Variants in STIM2 observed in about 807,000 individuals in gnomAD.
The protein encoded by STIM2 is stromal interaction molecule 2.
Under a neutral mutation model 85.8 loss-of-function variants are expected in STIM2, and 31 were observed. The ratio of observed to expected loss-of-function variants is 0.36; its 90% CI spans 0.27 to 0.49. The LOEUF (loss-of-function observed/expected upper bound fraction) is 0.49, where lower values mean the gene tolerates loss of function less well. Ranked by LOEUF, STIM2 falls within the 20% of genes least tolerant of loss-of-function variation. STIM2 has a pLI of 0.98. For synonymous variants in STIM2, 356 were observed against 331.1 expected, an observed-to-expected ratio of 1.08 and a Z score of -0.82; for missense variants, 841 against 927.6, an observed-to-expected ratio of 0.91 and a Z score of 1.21.
At chr4:27,017,096 A>G (rs1280146290) in intron 10 of STIM2, among the ~76,000 whole-genome samples, 1 of 152,184 alleles carries the variant, frequency 6.6e-6, no homozygotes, top group Non-Finnish European at 1.5e-5. Flanking sequence ...GATATTGAAG[A>G]TGTAGGGGAA....
chr4:26,920,530 A>G (rs1285200248), intron 2 of STIM2, among the ~76,000 whole-genome samples: 2 of 152,086 alleles, frequency 1.3e-5, no homozygotes, highest in Non-Finnish European at 2.9e-5. Context: ...TGGATTTGTC[A>G]CTGTTGAATT....
chr4:26,952,862 T>G (rs1406975402), intron 2 of STIM2, among the ~76,000 whole-genome samples: 1 of 152,186 alleles, frequency 6.6e-6, no homozygotes, highest in African/African-American at 2.4e-5. Context: ...GGGTCTCCTT[T>G]TAAATAGCTA....
chr4:27,022,457 C>A, intron 11 of STIM2, 62 bp from the exon 12 acceptor site: 1 of 1,324,248 alleles, frequency 7.6e-7, no homozygotes, highest in Non-Finnish European at 1.0e-6. Flanking sequence ...GTTAGAATGT[C>A]TGCTAGTACT....
chr4:26,922,139 A>G (rs529654316), intron 2 of STIM2, among the ~76,000 whole-genome samples: 1 of 152,252 alleles, frequency 6.6e-6, no homozygotes, highest in East Asian at 1.9e-4. Flanking sequence ...GTTGTCATTT[A>G]TTGTGGGCCG....
chr4:26,871,986 T>C (rs530516494), intron 1 of STIM2, among the ~76,000 whole-genome samples: 7 of 152,310 alleles, frequency 4.6e-5, no homozygotes, highest in African/African-American at 1.7e-4. Context: ...TCCTTATCTC[T>C]AAAATGGGAT....
Position 27,020,958 on chromosome 4 carries a change from C to T in STIM2, c.1764-1561C>T, listed in dbSNP as rs1258725293. 6.6e-6 allele frequency: 10 copies of T among 1,521,344 alleles called. No homozygotes were observed. The African/African-American group carries it at 8.3e-5, about 13-fold the overall frequency. 94.2% of individuals were successfully genotyped at this position (1,521,344 alleles called of 1,614,324 possible). A position where few individuals can be genotyped will look rare whatever the true frequency, so the allele number is the denominator to read the frequency against. ...TCTTTTGCCACTTTTTACCTTGACTCTCCCTTTCATTTCTCAATCATTTCC... is the reference window on the plus strand; with the variant it reads ...TCTTTTGCCACTTTTTACCTTGACTTTCCCTTTCATTTCTCAATCATTTCC... On this transcript the variant is annotated intron_variant, in intron 11 of 11. Transcript: ENST00000467087.
chr4:27,013,001 A>G (rs1313860615), intron 10 of STIM2, among the ~76,000 whole-genome samples: 16 of 152,002 alleles, frequency 1.1e-4, no homozygotes, highest in Admixed American at 1.3e-4. Flanking sequence ...ACAATGTACA[A>G]TTTTTAGAAT....
chr4:26,986,513 A>C (rs573269383), intron 3 of STIM2, among the ~76,000 whole-genome samples: 1 of 152,228 alleles, frequency 6.6e-6, no homozygotes, highest in South Asian at 2.1e-4. Flanking sequence ...TGGTTTTGTA[A>C]GATTGCCTTT....
intron 1 of STIM2, among the ~76,000 whole-genome samples, chr4:26,894,689 G>A (rs1021713686): frequency 1.3e-5 from 2 of 152,016 alleles, no homozygotes; most frequent in African/African-American, 4.8e-5. Context: ...TACTCACAGT[G>A]TTTTTAAGTC....
intron 1 of STIM2, among the ~76,000 whole-genome samples, chr4:26,895,180 C>T (rs1219084863): frequency 6.6e-6 from 1 of 152,156 alleles, no homozygotes; most frequent in East Asian, 1.9e-4. Flanking sequence ...CCACTGCACT[C>T]CAGCCTAGGC....
At chr4:26,898,864 A>T (rs188481855) in intron 1 of STIM2, among the ~76,000 whole-genome samples, 1,684 of 152,166 alleles carry the variant, frequency 0.011, 17 homozygotes, top group Non-Finnish European at 0.015. Flanking sequence ...AATACAATTA[A>T]TTTTTACACA....
At chr4:26,981,939 A>G (rs1328477951) in intron 3 of STIM2, among the ~76,000 whole-genome samples, 1 of 148,424 alleles carries the variant, frequency 6.7e-6, no homozygotes, top group Middle Eastern at 3.2e-3. Flanking sequence ...CTATAAAGGT[A>G]TTTACCCCAC....
intron 2 of STIM2, among the ~76,000 whole-genome samples, chr4:26,928,168 T>C (rs1725054565): frequency 6.6e-6 from 1 of 152,054 alleles, no homozygotes; most frequent in African/African-American, 2.4e-5. Context: ...TTAATTCCTC[T>C]CCTGAGGGTT....
intron 11 of STIM2, chr4:27,019,299 A>G: frequency 3.5e-6 from 2 of 566,838 alleles, no homozygotes; most frequent in South Asian, 1.5e-5. Context: ...GCATATTCCT[A>G]AGGAGATAAT....
chr4:27,005,541 AAC>A (rs576101568), intron 7 of STIM2, among the ~76,000 whole-genome samples: 2 of 152,218 alleles, frequency 1.3e-5, no homozygotes, highest in South Asian at 4.1e-4. Flanking sequence ...TTACATTTTA[AAC>A]AGTTATTTAT....
rs146089377 is a variant in STIM2, at chr4:26,887,256, C to CT, written c.151+25894dup. Among the ~76,000 whole-genome samples, 564 of 120,810 alleles carry CT rather than the reference C, an allele frequency of 4.7e-3. 5 individuals are homozygous for CT. The highest frequency in any genetic ancestry group is 0.017 in the African/African-American group (533 of 32,282). 79.3% of individuals were successfully genotyped at this position (120,810 alleles called of 152,430 possible). A position where few individuals can be genotyped will look rare whatever the true frequency, so the allele number is the denominator to read the frequency against. On this transcript the variant is annotated intron_variant, in intron 1 of 11. Transcript: ENST00000467087. ...CTTTAAAACTTAGAATTTATTTGAGCTTTTTTTCTTTACTGTTTTGTTTGA... is the reference window on the plus strand; with the variant it reads ...CTTTAAAACTTAGAATTTATTTGAGCTTTTTTTTCTTTACTGTTTTGTTTGA...
At chr4:26,987,516 AT>A (rs2109118784) in intron 3 of STIM2, among the ~76,000 whole-genome samples, 1 of 152,210 alleles carries the variant, frequency 6.6e-6, no homozygotes, top group East Asian at 1.9e-4. Flanking sequence ...ATCTCCTGGA[AT>A]TTCGATTCCA....
chr4:27,009,049 A>G (rs1449781376), intron 10 of STIM2, 47 bp downstream of exon 10: 1 of 1,522,502 alleles, frequency 6.6e-7, no homozygotes, highest in South Asian at 1.2e-5. Context: ...TTTTAAAGTA[A>G]TTTTCTCCTA....
At chr4:26,978,091 G>A (rs4692017) in intron 3 of STIM2, among the ~76,000 whole-genome samples, 148,258 of 152,146 alleles carry the variant, frequency 0.97, 72,277 homozygotes, top group East Asian at 1. Context: ...AAAAGTCTTT[G>A]ATTGGAATGG....
Sources: allele counts gnomAD v4.1 joint callset (sites outside exome capture counted in the v4.1 genomes callset), GRCh38; gene constraint gnomAD v4.1.1; transcripts MANE v1.5; gene names NCBI Gene and HGNC (gene_info 2026-07-23, HGNC 2026-07-21).